The following CNNM3 variants were observed in gnomAD, a reference collection of about 807,000 sequenced individuals.
CNNM3 encodes cyclin and CBS domain divalent metal cation transport mediator 3.
In CNNM3, 47 loss-of-function variants were observed where a neutral mutation model predicts 57.1. That is an observed-to-expected ratio of 0.82 (90% confidence interval 0.65 to 1.05). The LOEUF (loss-of-function observed/expected upper bound fraction) is 1.05. Ranked by LOEUF, CNNM3 falls within the 50% of genes least tolerant of loss-of-function variation. CNNM3 has a pLI of 0.00. For synonymous variants in CNNM3, 507 were observed against 478.2 expected, an observed-to-expected ratio of 1.06 and a Z score of -0.79; for missense variants, 957 against 973.7, an observed-to-expected ratio of 0.98 and a Z score of 0.23.
chr2:96,828,155 C>A lies in CNNM3; in HGVS notation c.1746C>A (p.Phe582Leu). The A allele has an allele frequency of 6.2e-7, 1 of 1,614,108 alleles. No individual in the cohort carries two copies. Among genetic ancestry groups the A allele is most frequent in the Non-Finnish European group, 8.5e-7 (1 of 1,180,008 alleles). The change falls in exon 5 of 8, where the codon TTC (phenylalanine) becomes TTA (leucine). Residue 582 changes from phenylalanine (F) to leucine (L), a missense_variant. Transcript: ENST00000305510. ...GTCTGAAGTTTGAGAATGGGGCCTTCACGTACTATGGAGTGTCGGCCCTAA... is the reference window on the plus strand; with the variant it reads ...GTCTGAAGTTTGAGAATGGGGCCTTAACGTACTATGGAGTGTCGGCCCTAA... ...KEGLKFENGA[F>L]TYYGVSALTV... is the part of the protein sequence containing the mutation.
rs1453991467 is a variant in CNNM3, at chr2:96,828,183, G to A, written c.1774G>A (p.Val592Met). 3 of 1,613,862 alleles carry A rather than the reference G, an allele frequency of 1.9e-6. No homozygotes were observed. The highest frequency in any genetic ancestry group is 2.5e-6 in the Non-Finnish European group (3 of 1,179,922). ...FTYYGVSALT[V>M]PSSVHQSPVS... ...GTACTATGGAGTGTCGGCCCTAACTGTGCCATCCTCGGGTAAGCCACGGCC... is the reference window on the plus strand; with the variant it reads ...GTACTATGGAGTGTCGGCCCTAACTATGCCATCCTCGGGTAAGCCACGGCC... The change falls in exon 5 of 8, where the codon GTG becomes ATG. Residue 592 changes from valine (V) to methionine (M), a missense_variant. Physicochemically the swap from Val to Met is conservative, Grantham distance 21. Coordinates refer to ENST00000305510, the MANE Select transcript of CNNM3 (RefSeq NM_017623.5).
Position 96,825,211 on chromosome 2 carries a change from G to A in CNNM3, c.1369+10G>A. On this transcript the variant is annotated intron_variant, in intron 2 of 7. Coordinates refer to ENST00000305510, the MANE Select transcript of CNNM3 (RefSeq NM_017623.5). ...GAGTCTGAAGACTACCGTGAGTCCA[G>A]ACTCTTGGCAGTTCTGTCTCCGCTG... 2 of 1,613,856 alleles carry A rather than the reference G, an allele frequency of 1.2e-6. No homozygotes were observed. The highest frequency in any genetic ancestry group is 1.7e-6 in the Non-Finnish European group (2 of 1,179,898).
chr2:96,828,487 C>T (rs576017677), intron 5 of CNNM3, 80 bp from the exon 6 acceptor site: 8 of 1,568,142 alleles, frequency 5.1e-6, no homozygotes, highest in Middle Eastern at 1.7e-4. Context: ...GTCTTCGAAA[C>T]TGTACAGTTG....
Position 96,816,282 on chromosome 2 carries a change from C to A in CNNM3, c.5C>A (p.Ala2Glu). The A allele has an allele frequency of 7.7e-7, 1 of 1,304,892 alleles. No individual in the cohort carries two copies. The highest frequency in any genetic ancestry group is 9.7e-7 in the Non-Finnish European group (1 of 1,028,586). 80.8% of individuals were successfully genotyped at this position (1,304,892 alleles called of 1,614,324 possible). MAAAVAAAGRLG... is the reference protein window; with the variant it reads MEAAVAAAGRLG... Reference sequence around the variant, plus strand: ...GCCGAGAGGGGGCAGCAGGCGATGGCGGCGGCGGTAGCTGCGGCGGGTCGG... The same window carrying A: ...GCCGAGAGGGGGCAGCAGGCGATGGAGGCGGCGGTAGCTGCGGCGGGTCGG... Residue 2 changes from alanine to glutamate, a missense_variant, in exon 1 of 8, where the codon GCG becomes GAG. Physicochemically the swap from Ala to Glu is moderately radical, Grantham distance 107 (BLOSUM62 -1). Coordinates refer to ENST00000305510, the MANE Select transcript of CNNM3 (RefSeq NM_017623.5).
intron 2 of CNNM3, 45 bp downstream of exon 2, chr2:96,825,246 A>T (rs532625338): frequency 6.2e-7 from 1 of 1,606,130 alleles, no homozygotes; most frequent in Admixed American, 1.7e-5. Context: ...GGGCCTGCAC[A>T]CTTCCCCAGG....
At chr2:96,828,279 C>T (rs2079543847) in intron 5 of CNNM3, 84 bp downstream of exon 5, 2 of 1,118,548 alleles carry the variant, frequency 1.8e-6, no homozygotes, top group South Asian at 2.7e-5. Context: ...TCTCAGTGCC[C>T]CTCCTCACCT....
rs2079658438 is a variant in CNNM3 at position 96,834,513 on chromosome 2, A to G, written c.*1897A>G. Among the ~76,000 whole-genome samples, 1 of 151,170 alleles carries G rather than the reference A, an allele frequency of 6.6e-6. No individual in the cohort carries two copies. Among genetic ancestry groups the G allele is most frequent in the Non-Finnish European group, 1.5e-5 (1 of 67,868 alleles). The stretch of plus-strand genomic sequence containing the variant: ...GTAGGCACCACCACACCCAGCTAAT[A>G]CTTTTAATTTTTTTTTGTAGAGATA... On this transcript the variant is annotated 3_prime_UTR_variant, in exon 8 of 8. Coordinates refer to ENST00000305510, the MANE Select transcript of CNNM3 (RefSeq NM_017623.5).
At chr2:96,829,235 T>C in intron 7 of CNNM3, 101 bp downstream of exon 7, 1 of 1,377,250 alleles carries the variant, frequency 7.3e-7, no homozygotes, top group Non-Finnish European at 9.4e-7. Flanking sequence ...CCTCTGTCTT[T>C]TTTCTCTCTT....
At position 96,835,370 on chromosome 2, in the gene CNNM3, G is replaced by C. The variant is rs535090348; in HGVS notation, c.*2754G>C. Among the ~76,000 whole-genome samples the C allele has an allele frequency of 4.7e-4, 72 of 152,258 alleles. No homozygotes were observed. Among genetic ancestry groups the C allele is most frequent in the African/African-American group, 1.7e-3 (71 of 41,538 alleles). Reference sequence around the variant, plus strand: ...GGGCTATTCCAAATAAAGCTGCTACGACTATTCATGTACAGGTTTCTGTGT... The same window carrying C: ...GGGCTATTCCAAATAAAGCTGCTACCACTATTCATGTACAGGTTTCTGTGT... On this transcript the variant is annotated 3_prime_UTR_variant, in exon 8 of 8. Transcript: ENST00000305510.
chr2:96,826,377 T>G (rs1430575809), intron 2 of CNNM3, among the ~76,000 whole-genome samples: 1 of 152,046 alleles, frequency 6.6e-6, no homozygotes, highest in Non-Finnish European at 1.5e-5. Context: ...CACACCCGTC[T>G]AATTATTTTA....
rs1458492172 is a variant in CNNM3 at position 96,817,300 on chromosome 2, C to G, written c.1023C>G (p.Ile341Met). Residue 341 changes from isoleucine to methionine, a missense_variant, in exon 1 of 8, where the codon ATC becomes ATG. Ile to Met is a conservative substitution (Grantham distance 10). Around this residue, in one of 2 missense-constraint regions of CNNM3, gnomAD observed 491 missense variants for 570.6 expected, o/e 0.86. Transcript: ENST00000305510. The stretch of plus-strand genomic sequence containing the variant: ...TGGACTTCGGCGTCCTGGCCAGCAT[C>G]ATGCAGAGCGGCCACACGCGCATCC... ...TVLDFGVLAS[I>M]MQSGHTRIPV... 2 of 1,613,830 alleles carry G rather than the reference C, an allele frequency of 1.2e-6. No homozygotes were observed. The highest frequency in any genetic ancestry group is 1.1e-5 in the South Asian group (1 of 91,082).
At chr2:96,825,258 G>A (rs545990189) in intron 2 of CNNM3, 57 bp downstream of exon 2, 180 of 1,588,792 alleles carry the variant, frequency 1.1e-4, no homozygotes, top group Middle Eastern at 1.7e-4. Flanking sequence ...TTCCCCAGGC[G>A]TATGTTGCGT....
intron 1 of CNNM3, among the ~76,000 whole-genome samples, chr2:96,820,968 C>T (rs188788700): frequency 1.2e-4 from 19 of 152,236 alleles, no homozygotes; most frequent in East Asian, 3.9e-4. Context: ...ACAAGCAGCC[C>T]GATGCAGGAG....
chr2:96,831,139 T>A lies in CNNM3; in HGVS notation c.2060-1413T>A, dbSNP rs908884448. Among the ~76,000 whole-genome samples, 8 of 152,206 alleles carry A rather than the reference T, an allele frequency of 5.3e-5. No individual in the cohort carries two copies. The South Asian group carries it at 6.2e-4, about 12-fold the overall frequency. On this transcript the variant is annotated intron_variant, in intron 7 of 7. Coordinates refer to ENST00000305510, the MANE Select transcript of CNNM3 (RefSeq NM_017623.5). ...GAATAGTTGATAGTGGCTTTGTGGG[T>A]CATTTCCTCTTTGTAATGGATTATT... is the stretch of plus-strand genomic sequence containing the variant.
intron 7 of CNNM3, among the ~76,000 whole-genome samples, chr2:96,830,811 G>C (rs1158061794): frequency 6.6e-6 from 1 of 152,194 alleles, no homozygotes; most frequent in Non-Finnish European, 1.5e-5. Context: ...AGTAGCTAGT[G>C]CCGCACCTTT....
chr2:96,828,315 C>T, intron 5 of CNNM3, 120 bp downstream of exon 5: 6 of 918,910 alleles, frequency 6.5e-6, no homozygotes, highest in Non-Finnish European at 1.0e-5. Flanking sequence ...CCCACCACCC[C>T]ACAAGGTGGT....
chr2:96,828,816 C>G, intron 6 of CNNM3, 116 bp downstream of exon 6: 1 of 1,490,000 alleles, frequency 6.7e-7, no homozygotes, highest in Non-Finnish European at 9.2e-7. Flanking sequence ...CTGAGGGACA[C>G]AGACCTTTGC....
intron 7 of CNNM3, among the ~76,000 whole-genome samples, chr2:96,831,289 T>C (rs999361758): frequency 2.6e-5 from 4 of 152,236 alleles, no homozygotes; most frequent in Non-Finnish European, 5.9e-5. Flanking sequence ...CCCGTGAGCT[T>C]GGCACTTCAC....
intron 7 of CNNM3, 147 bp downstream of exon 7, chr2:96,829,281 ATC>A: frequency 9.6e-7 from 1 of 1,037,878 alleles, no homozygotes; most frequent in Non-Finnish European, 1.2e-6. Context: ...ATATATATAT[ATC>A]TATATATAAA....
Sources: allele counts gnomAD v4.1 joint callset (sites outside exome capture counted in the v4.1 genomes callset), GRCh38; gene constraint gnomAD v4.1.1; regional missense constraint gnomAD v4.1.1; transcripts MANE v1.5; gene names NCBI Gene and HGNC (gene_info 2026-07-23, HGNC 2026-07-21).